CUEDC1: variants seen among roughly 807,000 people sequenced by gnomAD.
The protein encoded by CUEDC1 is CUE domain containing 1.
CUEDC1 carries 30 observed loss-of-function variants against 43.7 expected under a neutral mutation model. The ratio of observed to expected loss-of-function variants is 0.69; its 90% CI spans 0.51 to 0.93. The LOEUF (loss-of-function observed/expected upper bound fraction) is 0.93, where lower values mean the gene tolerates loss of function less well. Among genes scored for constraint, CUEDC1 ranks in the 40% least tolerant of loss-of-function variants. CUEDC1 has a pLI of 0.00. For synonymous variants in CUEDC1, 223 were observed against 223.6 expected (o/e 1.00, Z 0.02); for missense variants, 486 against 549.0 (o/e 0.89, Z 1.15).
At chr17:57,941,634 G>T (rs1036584732) in intron 1 of CUEDC1, among the ~76,000 whole-genome samples, 1 of 152,230 alleles carries the variant, frequency 6.6e-6, no homozygotes, top group Non-Finnish European at 1.5e-5. Context: ...ATTTTTCACA[G>T]TAAAAGGTTA....
rs774564123 is a variant in CUEDC1, at chr17:57,862,147, A to T, written c.*1142T>A. ...TGCCCAGGCTTCCCGGCTCTCCGGA[A>T]GGTCTGCGCGCTCCCATGTCCAGGG... is the stretch of plus-strand genomic sequence containing the variant. On this transcript the variant is annotated 3_prime_UTR_variant, in exon 11 of 11. Coordinates refer to ENST00000577830, the MANE Select transcript of CUEDC1 (RefSeq NM_001271875.2). The T allele has an allele frequency of 2.6e-5, 4 of 152,232 alleles. No homozygotes were observed. The highest frequency in any genetic ancestry group is 4.4e-5 in the Non-Finnish European group (3 of 68,096). The allele number at this position is 152,232 out of a possible 1,614,324, so 9.4% of individuals were successfully genotyped here.
At chr17:57,935,406 A>ACACAAACAC (rs2074851488) in intron 1 of CUEDC1, among the ~76,000 whole-genome samples, 1 of 77,012 alleles carries the variant, frequency 1.3e-5, no homozygotes, top group East Asian at 1.2e-3. Context: ...CACACACACA[A>ACACAAACAC]ACACACACAC....
intron 1 of CUEDC1, among the ~76,000 whole-genome samples, chr17:57,952,235 T>TC (rs1847387888): frequency 6.6e-6 from 1 of 151,752 alleles, no homozygotes; most frequent in East Asian, 1.9e-4. Flanking sequence ...TATTTATGTT[T>TC]TTTTTTTGGA....
At position 57,873,738 on chromosome 17, in the gene CUEDC1, G is replaced by A. The variant is rs760193309; in HGVS notation, c.465-21C>T. Reference sequence around the variant, plus strand: ...CGATACTAGGGGATGGCAGGTGACAGGGAAGAGGAAGTCATTAAGCCCAAC... The same window carrying A: ...CGATACTAGGGGATGGCAGGTGACAAGGAAGAGGAAGTCATTAAGCCCAAC... On this transcript the variant is annotated intron_variant, in intron 3 of 10. Transcript: ENST00000577830. 1.2e-5 allele frequency: 19 copies of A among 1,546,292 alleles called. No individual in the cohort carries two copies. In the South Asian group the frequency reaches 2.2e-4, roughly 18 times the overall value.
chr17:57,919,498 G>A (rs1484334960), intron 1 of CUEDC1, among the ~76,000 whole-genome samples: 1 of 152,124 alleles, frequency 6.6e-6, no homozygotes, highest in Non-Finnish European at 1.5e-5. Flanking sequence ...TAATATATGA[G>A]GGGATACACA....
intron 1 of CUEDC1, among the ~76,000 whole-genome samples, chr17:57,906,387 T>C (rs530838474): frequency 1.3e-5 from 2 of 152,340 alleles, no homozygotes; most frequent in Admixed American, 1.3e-4. Context: ...ATTCCACTTA[T>C]ATGAGGAACC....
intron 7 of CUEDC1, 112 bp from the exon 8 acceptor site, chr17:57,868,355 A>AG: frequency 1.1e-6 from 1 of 913,470 alleles, no homozygotes. Flanking sequence ...GAGAGGGAGC[A>AG]GGGGGCAGGC....
intron 1 of CUEDC1, among the ~76,000 whole-genome samples, chr17:57,908,463 GT>G (rs2074550875): frequency 6.6e-6 from 1 of 152,212 alleles, no homozygotes; most frequent in African/African-American, 2.4e-5. Context: ...CAGGGGCACG[GT>G]TTCCTGAGGT....
intron 1 of CUEDC1, among the ~76,000 whole-genome samples, chr17:57,942,836 G>A (rs1360723491): frequency 6.6e-6 from 1 of 151,838 alleles, no homozygotes; most frequent in Non-Finnish European, 1.5e-5. Context: ...AGATCATCCT[G>A]GCTAACACGG....
chr17:57,925,267 A>T (rs1430882103), intron 1 of CUEDC1, among the ~76,000 whole-genome samples: 3 of 152,160 alleles, frequency 2.0e-5, no homozygotes, highest in Non-Finnish European at 4.4e-5. Flanking sequence ...CAAGGGGAAC[A>T]CATTCTGACT....
intron 3 of CUEDC1, among the ~76,000 whole-genome samples, chr17:57,874,069 C>A (rs1019716036): frequency 6.6e-6 from 1 of 152,248 alleles, no homozygotes; most frequent in Non-Finnish European, 1.5e-5. Context: ...ATGCTTCTAT[C>A]CTAGCACCTA....
intron 1 of CUEDC1, among the ~76,000 whole-genome samples, chr17:57,953,182 G>A (rs1277044826): frequency 1.3e-5 from 2 of 152,114 alleles, no homozygotes; most frequent in Non-Finnish European, 2.9e-5. Flanking sequence ...GCTCTTAAAG[G>A]CCTGGATCTC....
In CUEDC1 at chr17:57,932,281, C is replaced by CAAAAAAAAAAA. The variant is rs56137797; in HGVS notation, c.-316+22933_-316+22943dup. ...TGGGCAACAAAGTGACACTGTGTCT[C>CAAAAAAAAAAA]AAAAAAAAAAAAAAAAAAAAAAGGC... On this transcript the variant is annotated intron_variant, in intron 1 of 10. Coordinates refer to ENST00000577830, the MANE Select transcript of CUEDC1 (RefSeq NM_001271875.2). Among the ~76,000 whole-genome samples, 22 of 121,920 alleles carry CAAAAAAAAAAA rather than the reference C, an allele frequency of 1.8e-4. 1 individual carries two copies. Among genetic ancestry groups the CAAAAAAAAAAA allele is most frequent in the African/African-American group, 4.9e-4 (11 of 22,454 alleles). 80.0% of individuals were successfully genotyped at this position (121,920 alleles called of 152,430 possible).
chr17:57,879,801 A>C, intron 2 of CUEDC1, 63 bp from the exon 3 acceptor site: 2 of 1,525,402 alleles, frequency 1.3e-6, no homozygotes, highest in African/African-American at 1.4e-5. Flanking sequence ...AATACCATTC[A>C]GACAAAATCA....
At chr17:57,880,745 T>G (rs544288012) in intron 2 of CUEDC1, among the ~76,000 whole-genome samples, 36 of 152,320 alleles carry the variant, frequency 2.4e-4, no homozygotes, top group Admixed American at 1.5e-3. Flanking sequence ...TAGATGGAAT[T>G]ACAGGCGTGC....
At chr17:57,898,305 G>C (rs1462759303) in intron 1 of CUEDC1, among the ~76,000 whole-genome samples, 2 of 152,158 alleles carry the variant, frequency 1.3e-5, no homozygotes, top group African/African-American at 2.4e-5. Context: ...GGGCCTGTTG[G>C]GGCACAACAG....
chr17:57,911,060 G>A (rs1270116247), intron 1 of CUEDC1, among the ~76,000 whole-genome samples: 3 of 152,166 alleles, frequency 2.0e-5, no homozygotes, highest in African/African-American at 7.2e-5. Flanking sequence ...CTTATGTAAA[G>A]ATCACATCCC....
At chr17:57,904,980 T>C (rs976425177) in intron 1 of CUEDC1, among the ~76,000 whole-genome samples, 4 of 152,180 alleles carry the variant, frequency 2.6e-5, no homozygotes, top group Non-Finnish European at 4.4e-5. Context: ...GCGGCCAAGA[T>C]GCAGGGGCTG....
intron 1 of CUEDC1, among the ~76,000 whole-genome samples, chr17:57,932,381 C>T (rs893891563): frequency 6.6e-6 from 1 of 150,814 alleles, no homozygotes; most frequent in Admixed American, 6.6e-5. Context: ...GTCAGGAGAT[C>T]GAGACCATCC....
Sources: gnomAD v4.1 joint callset for allele counts (sites outside exome capture counted in the v4.1 genomes callset) on GRCh38, gnomAD v4.1.1 for gene constraint, MANE v1.5 for transcripts, NCBI Gene and HGNC (gene_info 2026-07-23, HGNC 2026-07-21) for gene names.